SYNJ1: variants seen among roughly 807,000 people sequenced by gnomAD.
SYNJ1 encodes synaptojanin 1, also known as polyphosphatidylinositol phosphatase SYNJ1.
A neutral mutation model predicts 168.2 loss-of-function variants in SYNJ1; 78 were observed. That is an observed-to-expected ratio of 0.46 (90% confidence interval 0.39 to 0.56). The LOEUF (loss-of-function observed/expected upper bound fraction) is 0.56. SYNJ1 is among the 20% of genes least tolerant of loss of function. The pLI is 0.00. For synonymous variants in SYNJ1, 539 were observed against 548.6 expected (o/e 0.98, Z 0.24); for missense variants, 1,303 against 1,597.6 (o/e 0.82, Z 3.14).
rs1372627011 is a variant in SYNJ1 at position 32,685,853 on chromosome 21, A to G, written c.1013T>C (p.Met338Thr). 6.2e-7 allele frequency: 1 copy of G among 1,613,114 alleles called. No homozygotes were observed. Among genetic ancestry groups the G allele is most frequent in the Non-Finnish European group, 8.5e-7 (1 of 1,179,606 alleles). The change falls in exon 9 of 33, where the codon ATG becomes ACG. Residue 338 changes from methionine to threonine, a missense_variant. Met to Thr is a moderately conservative substitution (Grantham distance 81). Around this residue, in one of 2 missense-constraint regions of SYNJ1, gnomAD observed 920 missense variants for 1,208.8 expected, o/e 0.76. Coordinates refer to ENST00000674351, the MANE Select transcript of SYNJ1 (RefSeq NM_203446.3). ...TTTTTCTGCCTTTCCTCCCTTAACC[A>G]TTTGATGATAGTCAAAATTCACCAT... ...IQMVNFDYHQ[M>T]VKGGKAEKLH...
chr21:32,683,905 CAG>C (rs911284904), intron 10 of SYNJ1, 131 bp downstream of exon 10: 2 of 704,526 alleles, frequency 2.8e-6, no homozygotes, highest in Non-Finnish European at 4.5e-6. Context: ...AAAAAAGAGA[CAG>C]AGATTAGAAG....
At chr21:32,727,883 C>T in intron 1 of SYNJ1, 63 bp downstream of exon 1, 16 of 1,526,510 alleles carry the variant, frequency 1.0e-5, no homozygotes, top group Non-Finnish European at 1.3e-5. Flanking sequence ...TGGAGGCGTC[C>T]GCCCGCCCGG....
At chr21:32,681,959 A>G (rs956391605) in intron 10 of SYNJ1, among the ~76,000 whole-genome samples, 4 of 152,192 alleles carry the variant, frequency 2.6e-5, no homozygotes, top group African/African-American at 9.6e-5. Context: ...TTCATCAATC[A>G]ACAGCCTGCA....
At chr21:32,712,924 TAAG>T (rs1258843469) in intron 2 of SYNJ1, among the ~76,000 whole-genome samples, 1 of 152,158 alleles carries the variant, frequency 6.6e-6, no homozygotes, top group Non-Finnish European at 1.5e-5. Context: ...ATTCCATTCC[TAAG>T]AATACAGCCA....
intron 29 of SYNJ1, 31 bp from the exon 30 acceptor site, chr21:32,639,810 T>C (rs957575771): frequency 1.9e-6 from 3 of 1,557,846 alleles, no homozygotes; most frequent in African/African-American, 2.7e-5. Context: ...ACTTGAGACA[T>C]TTACTTACCT....
intron 14 of SYNJ1, among the ~76,000 whole-genome samples, chr21:32,672,059 C>CAAAAAAAAAAAAAAAAA (rs1160074724): frequency 8.1e-4 from 20 of 24,642 alleles, no homozygotes; most frequent in South Asian, 2.1e-3. Context: ...AACTCAATCT[C>CAAAAAAAAAAAAAAAAA]AAAAAAAAAA....
rs917502531 is a variant in SYNJ1, at chr21:32,645,717, C to T, written c.3320G>A (p.Arg1107Gln). Residue 1107 changes from arginine to glutamine, a missense_variant, in exon 25 of 33, where the codon CGG becomes CAG. Physicochemically the swap from Arg to Gln is conservative, Grantham distance 43 (BLOSUM62 1). Coordinates refer to ENST00000674351, the MANE Select transcript of SYNJ1 (RefSeq NM_203446.3). Reference protein sequence around the residue: ...KDPAQPLEPKRPPPPRPVAPP... With the variant: ...KDPAQPLEPKQPPPPRPVAPP... Reference sequence around the variant, plus strand: ...GGCGACCGGGCGGGGCGGCGGCGGCCGCTTGGGCTCCAAGGGCTGGGCGGG... The same window carrying T: ...GGCGACCGGGCGGGGCGGCGGCGGCTGCTTGGGCTCCAAGGGCTGGGCGGG... The T allele has an allele frequency of 1.5e-5, 22 of 1,469,972 alleles. No individual in the cohort carries two copies. Among genetic ancestry groups the T allele is most frequent in the African/African-American group, 2.9e-5 (2 of 70,024 alleles). 91.1% of individuals were successfully genotyped at this position (1,469,972 alleles called of 1,614,324 possible). A position where few individuals can be genotyped will look rare whatever the true frequency, so the allele number is the denominator to read the frequency against.
intron 4 of SYNJ1, 152 bp downstream of exon 4, chr21:32,699,686 T>C (rs1276727179): frequency 4.4e-6 from 4 of 901,772 alleles, no homozygotes; most frequent in Non-Finnish European, 6.6e-6. Flanking sequence ...GTAGAGGTCA[T>C]TCTCTGTAGC....
At chr21:32,688,545 C>T (rs986729105) in intron 6 of SYNJ1, among the ~76,000 whole-genome samples, 178 bp from the exon 7 acceptor site, 6 of 152,042 alleles carry the variant, frequency 3.9e-5, no homozygotes, top group African/African-American at 1.4e-4. Context: ...CCACCCTCCA[C>T]CTTTATTTTT....
Position 32,631,573 on chromosome 21 carries a change from G to A in SYNJ1, c.*232C>T, listed in dbSNP as rs373563239. 65 of 1,613,952 alleles carry A rather than the reference G, an allele frequency of 4.0e-5. 2 individuals are homozygous for A. Among genetic ancestry groups the A allele is most frequent in the Middle Eastern group, 1.6e-4 (1 of 6,084 alleles). ...CGCATATTTTCCTGGGATTGACTCCGAGCTGGAATTGGAGGCATTGTTGGC... is the reference window on the plus strand; with the variant it reads ...CGCATATTTTCCTGGGATTGACTCCAAGCTGGAATTGGAGGCATTGTTGGC... On this transcript the variant is annotated 3_prime_UTR_variant, in exon 33 of 33. Coordinates refer to ENST00000674351, the MANE Select transcript of SYNJ1 (RefSeq NM_203446.3).
chr21:32,702,627 C>G (rs1184578992), intron 2 of SYNJ1, among the ~76,000 whole-genome samples: 5 of 152,170 alleles, frequency 3.3e-5, no homozygotes, highest in East Asian at 1.9e-4. Flanking sequence ...TCACAAAGAA[C>G]CAAAGAAATA....
chr21:32,683,956 G>T, intron 10 of SYNJ1, 82 bp downstream of exon 10: 1 of 1,192,066 alleles, frequency 8.4e-7, no homozygotes, highest in Middle Eastern at 2.3e-4. Flanking sequence ...CTTTCTGGAA[G>T]GTAATAAGAA....
chr21:32,672,986 C>T (rs1365413307), intron 14 of SYNJ1, among the ~76,000 whole-genome samples: 2 of 151,018 alleles, frequency 1.3e-5, no homozygotes, highest in Non-Finnish European at 1.5e-5. Context: ...GGTTTATGTC[C>T]ATAATCTTGG....
In SYNJ1 at chr21:32,684,103, C is replaced by A; in HGVS notation, c.1135G>T (p.Val379Phe). ...SEVQRCQSGT[V>F]RTNCLDCLDR... ...AGACAATCCAAGCAGTTTGTTCGAACTGTACCACTCTGGCATCTGTAACCA... is the reference window on the plus strand; with the variant it reads ...AGACAATCCAAGCAGTTTGTTCGAAATGTACCACTCTGGCATCTGTAACCA... Residue 379 changes from valine to phenylalanine, a missense_variant, in exon 10 of 33, where the codon GTT (valine) becomes TTT (phenylalanine). Val to Phe is a conservative substitution (Grantham distance 50). This residue lies in a region of SYNJ1 where 920 missense variants were observed against 1,208.8 expected (regional missense o/e 0.76). Transcript: ENST00000674351. 6.2e-7 allele frequency: 1 copy of A among 1,613,578 alleles called. No individual in the cohort carries two copies. Among genetic ancestry groups the A allele is most frequent in the Non-Finnish European group, 8.5e-7 (1 of 1,179,648 alleles).
intron 6 of SYNJ1, among the ~76,000 whole-genome samples, chr21:32,693,626 A>C (rs2050368095): frequency 6.6e-6 from 1 of 152,204 alleles, no homozygotes; most frequent in African/African-American, 2.4e-5. Flanking sequence ...GGACTAATAA[A>C]TTTTGAATAA....
chr21:32,655,546 A>G (rs1161639292), intron 21 of SYNJ1, among the ~76,000 whole-genome samples: 1 of 152,132 alleles, frequency 6.6e-6, no homozygotes, highest in African/African-American at 2.4e-5. Context: ...TACCATCTTA[A>G]TTCTGTGGAC....
intron 6 of SYNJ1, among the ~76,000 whole-genome samples, chr21:32,692,286 AG>A (rs921375479): frequency 6.6e-6 from 1 of 152,180 alleles, no homozygotes; most frequent in African/African-American, 2.4e-5. Flanking sequence ...GTTAAAAATG[AG>A]GATTCCTGGC....
rs1379288428 is a variant in SYNJ1, at chr21:32,631,565, T to C, written c.*240A>G. 6.2e-7 allele frequency: 1 copy of C among 1,614,180 alleles called. No individual in the cohort carries two copies. The highest frequency in any genetic ancestry group is 8.5e-7 in the Non-Finnish European group (1 of 1,180,028). On this transcript the variant is annotated 3_prime_UTR_variant, in exon 33 of 33. Transcript: ENST00000674351. ...GAGAACTTCGCATATTTTCCTGGGATTGACTCCGAGCTGGAATTGGAGGCA... is the reference window on the plus strand; with the variant it reads ...GAGAACTTCGCATATTTTCCTGGGACTGACTCCGAGCTGGAATTGGAGGCA...
At chr21:32,715,070 T>C (rs978905942) in intron 2 of SYNJ1, among the ~76,000 whole-genome samples, 2 of 152,178 alleles carry the variant, frequency 1.3e-5, no homozygotes, top group African/African-American at 4.8e-5. Flanking sequence ...GGGAACAAGA[T>C]AGGCCAAAGA....
Sources: gnomAD v4.1 joint callset for allele counts (sites outside exome capture counted in the v4.1 genomes callset) on GRCh38, gnomAD v4.1.1 for gene constraint, gnomAD v4.1.1 regional missense constraint, MANE v1.5 for transcripts, NCBI Gene and HGNC (gene_info 2026-07-23, HGNC 2026-07-21) for gene names.